Variants in QSER1 observed in about 807,000 individuals in gnomAD.
QSER1 encodes glutamine and serine-rich protein 1.
In QSER1, 49 loss-of-function variants were observed where a neutral mutation model predicts 158.5. That is an observed-to-expected ratio of 0.31 (90% CI 0.25 to 0.39). The LOEUF is 0.39. Among genes scored for constraint, QSER1 ranks in the 10% least tolerant of loss-of-function variants. The probability of loss-of-function intolerance (pLI) is 1.00; values close to 1 mark genes in which losing one functional copy is unlikely to be tolerated. For missense variants in QSER1, 1,754 were observed against 2,010.3 expected, an observed-to-expected ratio of 0.87 and a Z score of 2.44; for synonymous variants, 650 against 715.5, an observed-to-expected ratio of 0.91 and a Z score of 1.46.
At chr11:32,967,059 T>C (rs533166438) in intron 9 of QSER1, among the ~76,000 whole-genome samples, 1 of 152,294 alleles carries the variant, frequency 6.6e-6, no homozygotes, top group African/African-American at 2.4e-5. Flanking sequence ...CATGTGTTTA[T>C]TGCAGCACAG....
At chr11:32,941,581 A>G (rs1205145226) in intron 4 of QSER1, among the ~76,000 whole-genome samples, 14 of 152,034 alleles carry the variant, frequency 9.2e-5, no homozygotes, top group Non-Finnish European at 1.8e-4. Context: ...TTGTGGCTGC[A>G]TAGTATTCCA....
At chr11:32,937,274 T>C (rs545756325) in intron 4 of QSER1, among the ~76,000 whole-genome samples, 113 of 152,260 alleles carry the variant, frequency 7.4e-4, no homozygotes, top group Non-Finnish European at 1.5e-3. Flanking sequence ...TTACAGACTT[T>C]TCTTTTTTTT....
intron 1 of QSER1, among the ~76,000 whole-genome samples, chr11:32,920,930 ACAGTTTGGC>A (rs2133525924): frequency 6.6e-6 from 1 of 152,298 alleles, no homozygotes; most frequent in African/African-American, 2.4e-5. Context: ...ACTTTGGAAA[ACAGTTTGGC>A]CATTTCTCAA....
At chr11:32,913,139 CTTCTT>C (rs750177243) in intron 1 of QSER1, among the ~76,000 whole-genome samples, 2 of 140,180 alleles carry the variant, frequency 1.4e-5, no homozygotes, top group Non-Finnish European at 3.1e-5. Context: ...TTCTTGGAAC[CTTCTT>C]TTCTTTTGCT....
rs755157237 is a variant in QSER1 at position 32,955,251 on chromosome 11, T to C, written c.4501-45T>C. 1.7e-5 allele frequency: 18 copies of C among 1,049,984 alleles called. No homozygotes were observed. In the South Asian group the frequency reaches 2.3e-4, roughly 14 times the overall value. 65.0% of individuals were successfully genotyped at this position (1,049,984 alleles called of 1,614,324 possible). ...ATCTCTAATATTCTAAGATCTAAAATATGTTGCTGTGTTTTGTAAGTATCA... is the reference window on the plus strand; with the variant it reads ...ATCTCTAATATTCTAAGATCTAAAACATGTTGCTGTGTTTTGTAAGTATCA... On this transcript the variant is annotated intron_variant, in intron 5 of 12. Coordinates refer to ENST00000650167, the MANE Select transcript of QSER1 (RefSeq NM_001076786.3).
intron 1 of QSER1, among the ~76,000 whole-genome samples, chr11:32,915,635 T>C (rs1237689334): frequency 1.3e-5 from 2 of 152,188 alleles, no homozygotes; most frequent in Non-Finnish European, 2.9e-5. Context: ...CCTTTTAGGA[T>C]TATAAAAAAG....
intron 1 of QSER1, among the ~76,000 whole-genome samples, chr11:32,895,022 A>G (rs1452568561): frequency 6.6e-6 from 1 of 152,228 alleles, no homozygotes; most frequent in East Asian, 1.9e-4. Flanking sequence ...AATATTTATT[A>G]GGTAAATGGA....
At chr11:32,959,810 G>A (rs1852589112) in intron 8 of QSER1, among the ~76,000 whole-genome samples, 1 of 152,030 alleles carries the variant, frequency 6.6e-6, no homozygotes, top group Admixed American at 6.6e-5. Context: ...TGTCTAGGCT[G>A]GACTGCAGTG....
chr11:32,971,132 G>A (rs994613879), intron 10 of QSER1, among the ~76,000 whole-genome samples: 1 of 151,346 alleles, frequency 6.6e-6, no homozygotes, highest in South Asian at 2.1e-4. Context: ...TGGCCAGGCT[G>A]GTCTTGAACT....
At chr11:32,951,242 C>T (rs536375152) in intron 4 of QSER1, among the ~76,000 whole-genome samples, 1 of 152,278 alleles carries the variant, frequency 6.6e-6, no homozygotes, top group African/African-American at 2.4e-5. Flanking sequence ...ATCATTTGCT[C>T]ATAAGTATAG....
chr11:32,957,164 T>G (rs1479343489), intron 7 of QSER1, among the ~76,000 whole-genome samples: 1 of 146,668 alleles, frequency 6.8e-6, no homozygotes, highest in East Asian at 2.0e-4. Flanking sequence ...TTTTTTGAGA[T>G]AGAGTCTTGC....
Position 32,976,742 on chromosome 11 carries a change from C to G in QSER1, c.*268C>G, listed in dbSNP as rs761590945. The G allele has an allele frequency of 1.6e-4, 52 of 325,434 alleles. No homozygotes were observed. The highest frequency in any genetic ancestry group is 2.7e-4 in the Non-Finnish European group (48 of 179,142). 20.2% of individuals were successfully genotyped at this position (325,434 alleles called of 1,614,324 possible). ...CATTGGGTAACTTGAGTCATATTTT[C>G]AGAAACATTTTTTGACAAATGATGA... On this transcript the variant is annotated 3_prime_UTR_variant, in exon 13 of 13. Coordinates refer to ENST00000650167, the MANE Select transcript of QSER1 (RefSeq NM_001076786.3).
At chr11:32,940,182 G>C (rs1424996289) in intron 4 of QSER1, among the ~76,000 whole-genome samples, 1 of 151,972 alleles carries the variant, frequency 6.6e-6, no homozygotes, top group Admixed American at 6.6e-5. Flanking sequence ...CTGTGACTTG[G>C]GCCTCTCTCT....
Position 32,933,236 on chromosome 11 carries a change from C to T in QSER1, c.1978C>T (p.Gln660Ter). The T allele has an allele frequency of 6.2e-7, 1 of 1,613,830 alleles. No homozygotes were observed. The highest frequency in any genetic ancestry group is 8.5e-7 in the Non-Finnish European group (1 of 1,179,962). The stretch of plus-strand genomic sequence containing the variant: ...ATCTTTTGCATCCTCTACTCATTGT[C>T]AGACATTACAAAATAACATAACTTC... ...SSSFASSTHCQTLQNNITSPD... is the reference protein window; with the variant it reads ...SSSFASSTHC Residue 660 changes from glutamine (Q) to a stop codon, truncating the protein, a stop_gained, in exon 4 of 13, where the codon CAG (glutamine) becomes TAG (stop). Transcript: ENST00000650167. LOFTEE classifies it high-confidence loss of function.
At chr11:32,950,901 TTC>T (rs1852410423) in intron 4 of QSER1, among the ~76,000 whole-genome samples, 4 of 152,356 alleles carry the variant, frequency 2.6e-5, no homozygotes, top group Middle Eastern at 3.4e-3. Context: ...ATTTTGTATA[TTC>T]AGTTATCCAT....
At chr11:32,958,356 AG>A (rs1395903596) in intron 8 of QSER1, among the ~76,000 whole-genome samples, 1 of 152,120 alleles carries the variant, frequency 6.6e-6, no homozygotes, top group Non-Finnish European at 1.5e-5. Context: ...GATGGAGGTT[AG>A]ATCAGATGAT....
rs1327506686 is a variant in QSER1, at chr11:32,893,931, G to T, written c.209+597G>T. ...CCAGGGCCGGGTGACATATGTTTGC[G>T]CTGGTGGCCAAGATTTAGGCGATTT... is the stretch of plus-strand genomic sequence containing the variant. On this transcript the variant is annotated intron_variant, in intron 1 of 12. Coordinates refer to ENST00000650167, the MANE Select transcript of QSER1 (RefSeq NM_001076786.3). The surrounding 1 kb of genome is among the most constrained non-coding windows in gnomAD (Gnocchi z 4.7). 1.3e-5 allele frequency among the ~76,000 whole-genome samples: 2 copies of T among 152,226 alleles called. No homozygotes were observed.
intron 8 of QSER1, 109 bp downstream of exon 8, chr11:32,958,195 C>T (rs760716276): frequency 1.1e-6 from 1 of 883,344 alleles, no homozygotes; most frequent in East Asian, 2.6e-5. Context: ...GGGAATTTAT[C>T]TACCTAATAA....
At chr11:32,895,285 G>A (rs7129588) in intron 1 of QSER1, among the ~76,000 whole-genome samples, 1 of 151,936 alleles carries the variant, frequency 6.6e-6, no homozygotes, top group African/African-American at 2.4e-5. Context: ...AAAAATAAGC[G>A]GTGGGGGGAA....
Sources: gnomAD v4.1 joint callset for allele counts (sites outside exome capture counted in the v4.1 genomes callset) on GRCh38, gnomAD v4.1.1 for gene constraint, Gnocchi (gnomAD v3.1) non-coding constraint, MANE v1.5 for transcripts, NCBI Gene and HGNC (gene_info 2026-07-23, HGNC 2026-07-21) for gene names.